Variants in CD163L1 observed in about 807,000 individuals in gnomAD.
CD163L1 encodes CD163 molecule like 1, also known as scavenger receptor cysteine-rich type 1 protein M160.
In CD163L1, 124 loss-of-function variants were observed where a neutral mutation model predicts 165.4. The ratio of observed to expected loss-of-function variants is 0.75; its 90% CI spans 0.65 to 0.87. The LOEUF (loss-of-function observed/expected upper bound fraction) is 0.87, where lower values mean the gene tolerates loss of function less well. Ranked by LOEUF, CD163L1 falls within the 40% of genes least tolerant of loss-of-function variation. The pLI, the probability that CD163L1 is intolerant of heterozygous loss-of-function variation, is 0.00. For synonymous variants in CD163L1, 585 were observed against 662.2 expected (o/e 0.88, Z 1.79); for missense variants, 1,525 against 1,799.9 (o/e 0.85, Z 2.76).
intron 2 of CD163L1, among the ~76,000 whole-genome samples, chr12:7,440,783 C>T (rs1391788434): frequency 7.0e-4 from 106 of 151,954 alleles, no homozygotes; most frequent in Non-Finnish European, 1.5e-5. Flanking sequence ...CACACCACCA[C>T]ACCCGGCTAA....
At chr12:7,422,415 G>C (rs1948456344) in intron 4 of CD163L1, among the ~76,000 whole-genome samples, 1 of 151,916 alleles carries the variant, frequency 6.6e-6, no homozygotes, top group Admixed American at 6.6e-5. Context: ...TCTCCAGCAA[G>C]GGCACAAAAC....
In CD163L1 at chr12:7,398,635, CAGAAG is replaced by C. The variant is rs769366834; in HGVS notation, c.1409-56_1409-52del. 6.9e-7 allele frequency: 1 copy of C among 1,458,630 alleles called. No homozygotes were observed. Among genetic ancestry groups the C allele is most frequent in the Non-Finnish European group, 9.2e-7 (1 of 1,086,182 alleles). The allele number at this position is 1,458,630 out of a possible 1,614,324, so 90.4% of individuals were successfully genotyped here. ...TTGAGATCAAATGAGAGAGTCTTTT[CAGAAG>C]ACTGAAAAGACTCTCTAAATTCACG... On this transcript the variant is annotated intron_variant, in intron 6 of 19. Coordinates refer to ENST00000313599, the MANE Select transcript of CD163L1 (RefSeq NM_174941.6). This position sits in a 1 kb window ranked among gnomAD's most constrained non-coding sequence, Gnocchi z 4.5.
At chr12:7,380,837 C>A (rs998905640) in intron 8 of CD163L1, among the ~76,000 whole-genome samples, 6 of 151,982 alleles carry the variant, frequency 3.9e-5, no homozygotes, top group African/African-American at 1.2e-4. Context: ...AATTCTGAGC[C>A]TAATTGAAAG....
intron 8 of CD163L1, among the ~76,000 whole-genome samples, chr12:7,395,839 T>C (rs1174965986): frequency 6.6e-6 from 1 of 152,216 alleles, no homozygotes; most frequent in Non-Finnish European, 1.5e-5. Context: ...TTTGTAGAAT[T>C]GTATTGACTA....
Position 7,432,202 on chromosome 12 carries a change from T to C in CD163L1, c.766+214A>G, listed in dbSNP as rs1948641352. Among the ~76,000 whole-genome samples, 1 of 152,178 alleles carries C rather than the reference T, an allele frequency of 6.6e-6. No individual in the cohort carries two copies. The highest frequency in any genetic ancestry group is 2.4e-5 in the African/African-American group (1 of 41,444). ...TGGAATACTGCTGAGTGATCAGAAA[T>C]ATTAAAACTCAAAATGTGCTTTAGA... is the stretch of plus-strand genomic sequence containing the variant. On this transcript the variant is annotated intron_variant, in intron 4 of 19. Transcript: ENST00000313599. This position sits in a 1 kb window ranked among gnomAD's most constrained non-coding sequence, Gnocchi z 4.2.
In CD163L1 at chr12:7,432,827, T is replaced by C. The variant is rs1948652681; in HGVS notation, c.446-91A>G. 3 of 1,077,504 alleles carry C rather than the reference T, an allele frequency of 2.8e-6. No homozygotes were observed. The highest frequency in any genetic ancestry group is 5.0e-5 in the East Asian group (2 of 40,310). The allele number at this position is 1,077,504 out of a possible 1,614,324, so 66.7% of individuals were successfully genotyped here. ...GGATACGTAGAAGACAGCCCTGTTA[T>C]GAATGAAGTTACCAAAAATTAAAAA... On this transcript the variant is annotated intron_variant, in intron 3 of 19. Coordinates refer to ENST00000313599, the MANE Select transcript of CD163L1 (RefSeq NM_174941.6). The surrounding 1 kb of genome is among the most constrained non-coding windows in gnomAD (Gnocchi z 4.2).
chr12:7,324,702 G>A, the CD163L1 span: 951,855 of 1,255,760 alleles, frequency 0.76, 365,465 homozygotes, highest in Non-Finnish European at 0.8. Context: ...ATTAATTCTC[G>A]TTATGAAGCA....
intron 8 of CD163L1, among the ~76,000 whole-genome samples, chr12:7,391,550 A>G (rs1347250079): frequency 6.6e-6 from 1 of 152,172 alleles, no homozygotes; most frequent in Non-Finnish European, 1.5e-5. Flanking sequence ...GCCGAAAACC[A>G]TGGCATGAGA....
chr12:7,439,793 C>G lies in CD163L1; in HGVS notation c.124+1361G>C, dbSNP rs755738447. 6 of 1,613,818 alleles carry G rather than the reference C, an allele frequency of 3.7e-6. No homozygotes were observed. The South Asian group carries it at 6.6e-5, about 18-fold the overall frequency. ...ATTTCACCCCCCTCGATCTTTATGT[C>G]CAGGATCTTCTCCACCTCGAACACA... On this transcript the variant is annotated intron_variant, in intron 2 of 19. Transcript: ENST00000313599.
chr12:7,361,759 T>C (rs1946897338), intron 18 of CD163L1, among the ~76,000 whole-genome samples: 1 of 152,182 alleles, frequency 6.6e-6, no homozygotes, highest in Admixed American at 6.6e-5. Flanking sequence ...CAATGTGTTA[T>C]TTACTTTTCA....
At position 7,374,937 on chromosome 12, in the gene CD163L1, C is replaced by A. The variant is rs750556057; in HGVS notation, c.3002-14G>T. The A allele has an allele frequency of 6.2e-7, 1 of 1,613,144 alleles. No homozygotes were observed. Among genetic ancestry groups the A allele is most frequent in the Non-Finnish European group, 8.5e-7 (1 of 1,179,218 alleles). ...GGGTCAGGCTTCCTGGTGGAGGGTG[C>A]AGGAAATGGGGCAAAAGTAAGACCA... On this transcript the variant is annotated splice_polypyrimidine_tract_variant and intron_variant, in intron 11 of 19. Coordinates refer to ENST00000313599, the MANE Select transcript of CD163L1 (RefSeq NM_174941.6). The surrounding 1 kb of genome is among the most constrained non-coding windows in gnomAD (Gnocchi z 5.4).
At chr12:7,382,892 T>C (rs1336534514) in intron 8 of CD163L1, among the ~76,000 whole-genome samples, 1 of 152,188 alleles carries the variant, frequency 6.6e-6, no homozygotes, top group Non-Finnish European at 1.5e-5. Flanking sequence ...GGACTGGCAG[T>C]GTGTCTAGGT....
intron 6 of CD163L1, 101 bp downstream of exon 6, chr12:7,403,434 A>T: frequency 5.3e-6 from 6 of 1,135,392 alleles, no homozygotes; most frequent in South Asian, 3.3e-5. Flanking sequence ...GTTTTTTTTT[A>T]AGGTCCAGAA....
chr12:7,319,373 C>T, the CD163L1 span, among the ~76,000 whole-genome samples: 5 of 151,948 alleles, frequency 3.3e-5, no homozygotes, highest in Admixed American at 2.6e-4. Context: ...AGGTGGATCA[C>T]GAGGTCAGGA....
At chr12:7,384,552 A>G (rs750450059) in intron 8 of CD163L1, among the ~76,000 whole-genome samples, 1 of 152,268 alleles carries the variant, frequency 6.6e-6, no homozygotes, top group East Asian at 1.9e-4. Context: ...CAAGAAAAAG[A>G]TGGCCACTCA....
Position 7,441,186 on chromosome 12 carries a change from A to G in CD163L1, c.92T>C (p.Leu31Pro). The change falls in exon 2 of 20, where the codon CTC (leucine) becomes CCC (proline). Residue 31 changes from leucine to proline, a missense_variant. By Grantham distance (98) the Leu-to-Pro change is moderately conservative. Coordinates refer to ENST00000313599, the MANE Select transcript of CD163L1 (RefSeq NM_174941.6). ...GCTGATGAGAAAGCAGGAATTCAGG[A>G]GCAGGATGCAAGTTACCACAGCAGA... is the stretch of plus-strand genomic sequence containing the variant. Reference protein sequence around the residue: ...LFSAVVTCILLLNSCFLISSF... With the variant: ...LFSAVVTCILPLNSCFLISSF... 3 of 1,614,128 alleles carry G rather than the reference A, an allele frequency of 1.9e-6. No individual in the cohort carries two copies. The highest frequency in any genetic ancestry group is 2.5e-6 in the Non-Finnish European group (3 of 1,179,978).
downstream of CD163L1, among the ~76,000 whole-genome samples, chr12:7,350,577 A>G (rs954335872): frequency 6.6e-6 from 1 of 152,182 alleles, no homozygotes; most frequent in African/African-American, 2.4e-5. Flanking sequence ...GTCAATTTAT[A>G]TCATAGTACA....
intron 4 of CD163L1, among the ~76,000 whole-genome samples, chr12:7,426,077 G>A (rs1023225103): frequency 2.0e-5 from 3 of 152,194 alleles, no homozygotes; most frequent in African/African-American, 2.4e-5. Context: ...TAAAGGAAAC[G>A]TGGCACATAT....
downstream of CD163L1, among the ~76,000 whole-genome samples, chr12:7,343,664 T>A (rs1946651180): frequency 6.6e-6 from 1 of 152,130 alleles, no homozygotes; most frequent in Non-Finnish European, 1.5e-5. Flanking sequence ...CCATGAGGGA[T>A]ATATCCCCAT....
Sources: gnomAD v4.1 joint callset for allele counts (sites outside exome capture counted in the v4.1 genomes callset) on GRCh38, gnomAD v4.1.1 for gene constraint, Gnocchi (gnomAD v3.1) non-coding constraint, MANE v1.5 for transcripts, NCBI Gene and HGNC (gene_info 2026-07-23, HGNC 2026-07-21) for gene names.